PTPRD: variants seen among roughly 807,000 people sequenced by gnomAD.
The protein encoded by PTPRD is protein tyrosine phosphatase receptor type D.
PTPRD carries 34 observed loss-of-function variants against 214.5 expected under a neutral mutation model. That is an observed-to-expected ratio of 0.16 (90% CI 0.12 to 0.21). The LOEUF (loss-of-function observed/expected upper bound fraction) is 0.21, where lower values mean the gene tolerates loss of function less well. Among genes scored for constraint, PTPRD ranks in the 10% least tolerant of loss-of-function variants. PTPRD has a pLI of 1.00. For missense variants in PTPRD, 2,545 were observed against 2,398.7 expected, an observed-to-expected ratio of 1.06 and a Z score of -1.27; for synonymous variants, 1,128 against 845.7, an observed-to-expected ratio of 1.33 and a Z score of -5.79.
chr9:9,123,307 T>C (rs189662185), intron 10 of PTPRD, among the ~76,000 whole-genome samples: 14 of 152,350 alleles, frequency 9.2e-5, no homozygotes, highest in Non-Finnish European at 1.9e-4. Context: ...TTCTCTGAAA[T>C]GCTAGCACCA....
chr9:9,658,741 G>A (rs1029029181), intron 7 of PTPRD, among the ~76,000 whole-genome samples: 1 of 152,046 alleles, frequency 6.6e-6, no homozygotes, highest in Non-Finnish European at 1.5e-5. Context: ...CTCTTAATAC[G>A]GCCGGCACTG....
chr9:8,926,173 T>G (rs761971669), intron 11 of PTPRD, among the ~76,000 whole-genome samples: 64 of 152,082 alleles, frequency 4.2e-4, no homozygotes, highest in Non-Finnish European at 7.2e-4. Flanking sequence ...ATCCTCTGAC[T>G]GGAATACCTT....
chr9:9,217,071 G>T (rs1057278050), intron 9 of PTPRD, among the ~76,000 whole-genome samples: 2 of 152,028 alleles, frequency 1.3e-5, no homozygotes, highest in Non-Finnish European at 2.9e-5. Flanking sequence ...CTTAAGACTA[G>T]TCAGACAACT....
chr9:8,412,846 C>A (rs746523817), intron 35 of PTPRD, among the ~76,000 whole-genome samples: 23 of 152,184 alleles, frequency 1.5e-4, no homozygotes, highest in Non-Finnish European at 3.1e-4. Context: ...CCGGCAGAGA[C>A]AACAAAAAAG....
chr9:9,552,394 AC>A (rs2080501584), intron 8 of PTPRD, among the ~76,000 whole-genome samples: 2 of 151,998 alleles, frequency 1.3e-5, no homozygotes, highest in South Asian at 4.1e-4. Context: ...AAACTTTCAA[AC>A]CTCTAAAATT....
chr9:9,597,537 G>C (rs2093442799), intron 7 of PTPRD, among the ~76,000 whole-genome samples: 1 of 151,920 alleles, frequency 6.6e-6, no homozygotes, highest in African/African-American at 2.4e-5. Context: ...GTCTGTTATA[G>C]GAATATTCAA....
At chr9:8,839,998 G>C (rs754110494) in intron 11 of PTPRD, among the ~76,000 whole-genome samples, 1 of 152,158 alleles carries the variant, frequency 6.6e-6, no homozygotes, top group African/African-American at 2.4e-5. Context: ...CAGATAAAAG[G>C]ATTATGAGCA....
At chr9:8,546,783 G>C (rs899418487) in intron 14 of PTPRD, among the ~76,000 whole-genome samples, 1 of 152,152 alleles carries the variant, frequency 6.6e-6, no homozygotes, top group African/African-American at 2.4e-5. Flanking sequence ...TTCCAGGCGT[G>C]AGCCACCGCA....
chr9:10,249,124 G>T (rs1341315322), intron 3 of PTPRD, among the ~76,000 whole-genome samples: 2 of 151,948 alleles, frequency 1.3e-5, no homozygotes, highest in Admixed American at 1.3e-4. Flanking sequence ...TCAACACCAG[G>T]TAAGTGACTA....
chr9:10,476,037 G>T (rs1005198712), intron 2 of PTPRD, among the ~76,000 whole-genome samples: 1 of 152,012 alleles, frequency 6.6e-6, no homozygotes, highest in African/African-American at 2.4e-5. Context: ...TACTGAATGG[G>T]GAAAAGCTGG....
intron 2 of PTPRD, among the ~76,000 whole-genome samples, chr9:10,348,964 T>C (rs1235847529): frequency 6.6e-6 from 1 of 152,072 alleles, no homozygotes. Flanking sequence ...GGCAGTGTAA[T>C]TGATCAACCT....
chr9:9,896,987 G>C (rs2075146021), intron 5 of PTPRD, among the ~76,000 whole-genome samples: 1 of 152,014 alleles, frequency 6.6e-6, no homozygotes, highest in Non-Finnish European at 1.5e-5. Context: ...GACTTGCAGA[G>C]TTCCTCAATG....
rs112428480 is a variant in PTPRD at position 10,342,655 on chromosome 9, C to T, written c.-599-1638G>A. Reference sequence around the variant, plus strand: ...TATTATTTTATTGTTCTTAATTTTCCGCACCTTCTATTCCATGTGGTGTTT... The same window carrying T: ...TATTATTTTATTGTTCTTAATTTTCTGCACCTTCTATTCCATGTGGTGTTT... On this transcript the variant is annotated intron_variant, in intron 2 of 45. Transcript: ENST00000381196. Among the ~76,000 whole-genome samples, 25 of 152,006 alleles carry T rather than the reference C, an allele frequency of 1.6e-4. No homozygotes were observed. In the South Asian group the frequency reaches 1.9e-3, roughly 11 times the overall value.
At chr9:8,550,648 T>C (rs916789325) in intron 14 of PTPRD, among the ~76,000 whole-genome samples, 4 of 152,222 alleles carry the variant, frequency 2.6e-5, no homozygotes, top group South Asian at 2.1e-4. Context: ...TTCAATCACC[T>C]AAATAAATCT....
intron 10 of PTPRD, among the ~76,000 whole-genome samples, chr9:9,041,405 CCTCT>C (rs1477771684): frequency 6.6e-6 from 1 of 152,010 alleles, no homozygotes; most frequent in Non-Finnish European, 1.5e-5. Flanking sequence ...GTGTTGTTCC[CCTCT>C]ATGTGTCCAT....
At chr9:8,713,824 C>T in intron 12 of PTPRD, 3 of 1,516,702 alleles carry the variant, frequency 2.0e-6, no homozygotes, top group East Asian at 2.4e-5. Context: ...CACCAAGAGG[C>T]CCAACACCTT....
chr9:9,092,486 G>C (rs545095081), intron 10 of PTPRD, among the ~76,000 whole-genome samples: 1 of 152,170 alleles, frequency 6.6e-6, no homozygotes, highest in East Asian at 1.9e-4. Flanking sequence ...GACAAGGGAA[G>C]TGTATTCATA....
chr9:9,050,875 T>C (rs1569508087), intron 10 of PTPRD, among the ~76,000 whole-genome samples: 1 of 152,178 alleles, frequency 6.6e-6, no homozygotes, highest in Admixed American at 6.5e-5. Context: ...TAGGTATATA[T>C]GTATAGGAAA....
chr9:8,500,958 T>C lies in PTPRD; in HGVS notation c.1924A>G (p.Ile642Val), dbSNP rs2136980717. The C allele has an allele frequency of 6.2e-7, 1 of 1,614,164 alleles. No homozygotes were observed. The highest frequency in any genetic ancestry group is 8.5e-7 in the Non-Finnish European group (1 of 1,180,012). ...PPPVEKQNGI[I>V]TEYSIKYTAV... ...GTGTACTTGATGGAGTATTCAGTGATAATGCCATTCTGTTTTTCCACTGGT... is the reference window on the plus strand; with the variant it reads ...GTGTACTTGATGGAGTATTCAGTGACAATGCCATTCTGTTTTTCCACTGGT... Residue 642 changes from isoleucine (I) to valine (V), a missense_variant, in exon 24 of 46, where the codon ATC becomes GTC. Transcript: ENST00000381196.
Sources: gnomAD v4.1 joint callset for allele counts (sites outside exome capture counted in the v4.1 genomes callset) on GRCh38, gnomAD v4.1.1 for gene constraint, MANE v1.5 for transcripts, NCBI Gene and HGNC (gene_info 2026-07-23, HGNC 2026-07-21) for gene names.